Variants in DCC observed in about 807,000 individuals in gnomAD.
The protein encoded by DCC is netrin receptor DCC.
DCC carries 58 observed loss-of-function variants against 172.5 expected under a neutral mutation model. That is an observed-to-expected ratio of 0.34 (90% confidence interval 0.27 to 0.42). DCC has a LOEUF of 0.42. Among genes scored for constraint, DCC ranks in the 10% least tolerant of loss-of-function variants. DCC has a pLI of 1.00. For missense variants in DCC, 1,740 were observed against 1,791.0 expected, an observed-to-expected ratio of 0.97 and a Z score of 0.51; for synonymous variants, 709 against 644.5, an observed-to-expected ratio of 1.10 and a Z score of -1.52.
At chr18:52,497,615 TG>T (rs1327177976) in intron 1 of DCC, among the ~76,000 whole-genome samples, 2 of 152,076 alleles carry the variant, frequency 1.3e-5, no homozygotes, top group Admixed American at 6.6e-5. Context: ...AATTTTAGGA[TG>T]AATCCCAAGA....
chr18:52,564,017 A>G (rs548920006), intron 1 of DCC, among the ~76,000 whole-genome samples: 1 of 152,252 alleles, frequency 6.6e-6, no homozygotes, highest in African/African-American at 2.4e-5. Flanking sequence ...AAGTAGAAGC[A>G]TGTTGCTGGT....
intron 2 of DCC, among the ~76,000 whole-genome samples, chr18:52,837,149 T>A (rs1399095080): frequency 6.6e-6 from 1 of 152,218 alleles, no homozygotes; most frequent in Non-Finnish European, 1.5e-5. Context: ...GGAGGGGCTC[T>A]GGGTTGGGCC....
chr18:53,087,924 G>A lies in DCC; in HGVS notation c.1261+21758G>A, dbSNP rs557623922. Among the ~76,000 whole-genome samples, 87 of 151,864 alleles carry A rather than the reference G, an allele frequency of 5.7e-4. No individual in the cohort carries two copies. In the East Asian group the frequency reaches 0.011, roughly 20 times the overall value. ...GATCAGATAGTTGTAGATATGCGAC[G>A]TTATTTCTGAGGCCTCTGTTCTGTT... On this transcript the variant is annotated intron_variant, in intron 7 of 28. Coordinates refer to ENST00000442544, the MANE Select transcript of DCC (RefSeq NM_005215.4).
chr18:53,495,772 T>A (rs2046015010), intron 26 of DCC, among the ~76,000 whole-genome samples: 1 of 152,186 alleles, frequency 6.6e-6, no homozygotes, highest in Non-Finnish European at 1.5e-5. Context: ...GTAGATTTGG[T>A]CTTTTCATAT....
At chr18:53,281,762 ATTTT>A (rs754969859) in intron 12 of DCC, among the ~76,000 whole-genome samples, 2 of 115,276 alleles carry the variant, frequency 1.7e-5, no homozygotes, top group Non-Finnish European at 3.7e-5. Context: ...TTAATGGGGG[ATTTT>A]TTTTTTTTTT....
chr18:53,495,843 C>T (rs558110185), intron 26 of DCC, among the ~76,000 whole-genome samples: 2 of 152,290 alleles, frequency 1.3e-5, no homozygotes, highest in South Asian at 2.1e-4. Context: ...CTAATCCTCT[C>T]ACTTTATTTC....
intron 5 of DCC, among the ~76,000 whole-genome samples, chr18:53,052,781 C>A (rs1310363525): frequency 1.3e-5 from 2 of 152,024 alleles, no homozygotes; most frequent in South Asian, 2.1e-4. Context: ...GGTCCATAAG[C>A]CTTACCTTAC....
intron 1 of DCC, among the ~76,000 whole-genome samples, chr18:52,455,710 T>G (rs1988436576): frequency 3.3e-5 from 5 of 152,206 alleles, no homozygotes; most frequent in Admixed American, 2.6e-4. Context: ...TGCCAGTGTT[T>G]CCTCAACTGT....
At chr18:53,252,115 C>A (rs1459898057) in intron 12 of DCC, among the ~76,000 whole-genome samples, 2 of 151,824 alleles carry the variant, frequency 1.3e-5, no homozygotes, top group Non-Finnish European at 2.9e-5. Flanking sequence ...AGATTTAAGT[C>A]AAATGATTTT....
intron 13 of DCC, among the ~76,000 whole-genome samples, chr18:53,307,472 G>A (rs2057213477): frequency 6.6e-6 from 1 of 152,080 alleles, no homozygotes; most frequent in Non-Finnish European, 1.5e-5. Context: ...TAATATTAGA[G>A]TAGAGGAGAC....
chr18:52,815,344 G>C (rs1253723965), intron 2 of DCC, among the ~76,000 whole-genome samples: 1 of 151,910 alleles, frequency 6.6e-6, no homozygotes, highest in African/African-American at 2.4e-5. Flanking sequence ...TAATCCGATA[G>C]GTCCAGGGCC....
chr18:52,512,630 G>A (rs985756352), intron 1 of DCC, among the ~76,000 whole-genome samples: 45 of 152,136 alleles, frequency 3.0e-4, no homozygotes, highest in East Asian at 1.2e-3. Context: ...AATTATGAGC[G>A]CTTAGTATTC....
chr18:52,718,622 C>T (rs140470242), intron 1 of DCC, among the ~76,000 whole-genome samples: 1 of 152,116 alleles, frequency 6.6e-6, no homozygotes, highest in East Asian at 1.9e-4. Context: ...AGTGAGCTTC[C>T]TGTCATCTAC....
At chr18:52,506,910 G>T (rs1406208976) in intron 1 of DCC, among the ~76,000 whole-genome samples, 1 of 152,096 alleles carries the variant, frequency 6.6e-6, no homozygotes, top group Admixed American at 6.6e-5. Context: ...GATAGTTGTA[G>T]CATTGATATT....
intron 7 of DCC, among the ~76,000 whole-genome samples, chr18:53,098,111 T>A (rs2043113464): frequency 6.6e-6 from 1 of 152,164 alleles, no homozygotes; most frequent in Non-Finnish European, 1.5e-5. Flanking sequence ...GAAATTGATT[T>A]TAGAATTGTT....
chr18:53,040,411 G>T (rs1017761928), intron 5 of DCC, among the ~76,000 whole-genome samples: 1 of 151,894 alleles, frequency 6.6e-6, no homozygotes, highest in African/African-American at 2.4e-5. Context: ...TACATAAACC[G>T]AAAAGCATAT....
intron 1 of DCC, chr18:52,409,406 G>A (rs1189134565): frequency 6.6e-6 from 1 of 152,128 alleles, no homozygotes; most frequent in Non-Finnish European, 1.5e-5. Context: ...TGAACCATAT[G>A]AAATTGCTGA....
At chr18:53,334,428 A>T (rs11872483) in intron 14 of DCC, among the ~76,000 whole-genome samples, 25,236 of 152,122 alleles carry the variant, frequency 0.17, 2,634 homozygotes, top group African/African-American at 0.29. Context: ...AAAATAGACA[A>T]AACCTTAAAT....
intron 1 of DCC, among the ~76,000 whole-genome samples, chr18:52,414,564 G>T (rs1986952424): frequency 6.6e-6 from 1 of 152,078 alleles, no homozygotes; most frequent in South Asian, 2.1e-4. Context: ...TCTCCCCCTT[G>T]TTATCGTTAG....
Sources: allele counts gnomAD v4.1 joint callset (sites outside exome capture counted in the v4.1 genomes callset), GRCh38; gene constraint gnomAD v4.1.1; transcripts MANE v1.5; gene names NCBI Gene and HGNC (gene_info 2026-07-23, HGNC 2026-07-21).